KLHL33: variants seen among roughly 807,000 people sequenced by gnomAD.
KLHL33 encodes kelch-like protein 33.
In KLHL33, 46 loss-of-function variants were observed where a neutral mutation model predicts 60.8. That is an observed-to-expected ratio of 0.76 (90% confidence interval 0.60 to 0.97). The LOEUF (loss-of-function observed/expected upper bound fraction) is 0.97, where lower values mean the gene tolerates loss of function less well. Among genes scored for constraint, KLHL33 ranks in the 50% least tolerant of loss-of-function variants. KLHL33 has a pLI of 0.00. For synonymous variants in KLHL33, 434 were observed against 432.2 expected (o/e 1.00, Z -0.05); for missense variants, 1,055 against 1,000.0 (o/e 1.05, Z -0.74).
rs11160645 is a variant in KLHL33, at chr14:20,430,283, C to A, written c.1185G>T (p.Gln395His). 6.4e-7 allele frequency: 1 copy of A among 1,551,622 alleles called. No individual in the cohort carries two copies. The highest frequency in any genetic ancestry group is 2.4e-5 in the East Asian group (1 of 40,938). Residue 395 changes from glutamine (Q) to histidine (H), a missense_variant, in exon 3 of 5, where the codon CAG (glutamine) becomes CAT (histidine). Transcript: ENST00000636854. ...ELLDSDELHV[Q>H]EEFEAFVAAR... is the part of the protein sequence containing the mutation. ...CAGCCACAAAGGCCTCAAACTCCTC[C>A]TGCACATGGAGCTCATCACTATCCA... is the stretch of plus-strand genomic sequence containing the variant.
In KLHL33 at chr14:20,429,877, C is replaced by T. The variant is rs375299913; in HGVS notation, c.1591G>A (p.Ala531Thr). 6.4e-7 allele frequency: 1 copy of T among 1,551,980 alleles called. No individual in the cohort carries two copies. The highest frequency in any genetic ancestry group is 1.4e-5 in the African/African-American group (1 of 73,190). Residue 531 changes from alanine (A) to threonine (T), a missense_variant, in exon 3 of 5, where the codon GCA becomes ACA. Transcript: ENST00000636854. Reference protein sequence around the residue: ...PAPGRFRHGAASLAGSELYVC... With the variant: ...PAPGRFRHGATSLAGSELYVC... ...TAGAGTTCACTTCCTGCCAGGCTTG[C>T]AGCCCCATGCCGGAAGCGTCCGGGG... is the stretch of plus-strand genomic sequence containing the variant.
intron 2 of KLHL33, among the ~76,000 whole-genome samples, chr14:20,431,686 C>T (rs1042980954): frequency 2.0e-5 from 3 of 152,150 alleles, no homozygotes; most frequent in African/African-American, 7.2e-5. Flanking sequence ...GAGACTGCGC[C>T]GCTGCACCCA....
Position 20,428,622 on chromosome 14 carries a change from C to A in KLHL33, c.*227G>T, listed in dbSNP as rs763995264. On this transcript the variant is annotated 3_prime_UTR_variant, in exon 5 of 5. Coordinates refer to ENST00000636854, the MANE Select transcript of KLHL33 (RefSeq NM_001365790.2). The stretch of plus-strand genomic sequence containing the variant: ...GTGGAGTTGCTCCCGAGTCTCCTTT[C>A]CTCACCTGGGTATTCAGCTGCCTCC... The A allele has an allele frequency of 7.6e-6, 4 of 529,122 alleles. No individual in the cohort carries two copies. The highest frequency in any genetic ancestry group is 1.3e-5 in the Non-Finnish European group (4 of 297,946). The allele number at this position is 529,122 out of a possible 1,614,324, so 32.8% of individuals were successfully genotyped here. A position where few individuals can be genotyped will look rare whatever the true frequency, so the allele number is the denominator to read the frequency against.
chr14:20,434,932 G>T (rs1255431463), intron 2 of KLHL33, 132 bp downstream of exon 2: 2 of 808,630 alleles, frequency 2.5e-6, no homozygotes, highest in Non-Finnish European at 3.3e-6. Flanking sequence ...GGCACCAAAG[G>T]CCACCCCAGG....
chr14:20,435,410 G>A lies in KLHL33; in HGVS notation c.402C>T (p.Ile134=). The change falls in exon 2 of 5, where the codon ATC becomes ATT. Residue 134 remains isoleucine (I), a synonymous_variant. Transcript: ENST00000636854. ...GCAGCCTGTCTCGGAAGAGGCTGCT[G>A]ATTGCGGCCAGGATCACCCGATGCA... is the stretch of plus-strand genomic sequence containing the variant. ...YGVHRVILAA[I]SSLFRDRLLG... 8.1e-7 allele frequency: 1 copy of A among 1,234,378 alleles called. No individual in the cohort carries two copies. The highest frequency in any genetic ancestry group is 1.5e-5 in the African/African-American group (1 of 64,636). The allele number at this position is 1,234,378 out of a possible 1,614,324, so 76.5% of individuals were successfully genotyped here.
chr14:20,430,261 C>T lies in KLHL33; in HGVS notation c.1207G>A (p.Ala403Thr). 6.4e-7 allele frequency: 1 copy of T among 1,551,700 alleles called. No homozygotes were observed. The highest frequency in any genetic ancestry group is 8.7e-7 in the Non-Finnish European group (1 of 1,146,994). ...HVQEEFEAFVAARCWLAANPE... is the reference protein window; with the variant it reads ...HVQEEFEAFVTARCWLAANPE... ...TTGGCAGCCAGCCAACACCGTGCAG[C>T]CACAAAGGCCTCAAACTCCTCCTGC... Residue 403 changes from alanine to threonine, a missense_variant, in exon 3 of 5, where the codon GCT (alanine) becomes ACT (threonine). Coordinates refer to ENST00000636854, the MANE Select transcript of KLHL33 (RefSeq NM_001365790.2).
At chr14:20,430,791 TACTCTAAGTTTGGCCAA>T (rs66993385) in intron 2 of KLHL33, 72 bp from the exon 3 acceptor site, 110,262 of 1,040,202 alleles carry the variant, frequency 0.11, 6,729 homozygotes, top group Admixed American at 0.17. Context: ...CCCAACTTGG[TACTCTAAGTTTGGCCAA>T]ACTCTAAGTT....
chr14:20,435,482 T>A lies in KLHL33; in HGVS notation c.330A>T (p.Arg110Ser). Residue 110 changes from arginine (R) to serine (S), a missense_variant, in exon 2 of 5, where the codon AGA becomes AGT. By Grantham distance (110) the Arg-to-Ser change is moderately radical. Transcript: ENST00000636854. ...CTGACACCTCTTCGTCCAGCAACAG[T>A]CTCTGCTCCCGCAGCCGCTGGGCCT... Reference protein sequence around the residue: ...FAEAQRLREQRLLLDEEVSVA... With the variant: ...FAEAQRLREQSLLLDEEVSVA... The A allele has an allele frequency of 8.1e-7, 1 of 1,234,582 alleles. No homozygotes were observed. The highest frequency in any genetic ancestry group is 1.0e-6 in the Non-Finnish European group (1 of 988,316). The allele number at this position is 1,234,582 out of a possible 1,614,324, so 76.5% of individuals were successfully genotyped here. A position where few individuals can be genotyped will look rare whatever the true frequency, so the allele number is the denominator to read the frequency against.
rs889321292 is a variant in KLHL33 at position 20,426,572 on chromosome 14, A to G, written c.*2277T>C. ...GATGTGGAGAAATAGGAACACTTTT[A>G]CACTGTTGGTGGGACTGTAAACTAG... On this transcript the variant is annotated 3_prime_UTR_variant, in exon 5 of 5. Transcript: ENST00000636854. 6.6e-6 allele frequency: 1 copy of G among 151,930 alleles called. No individual in the cohort carries two copies. Among genetic ancestry groups the G allele is most frequent in the African/African-American group, 2.4e-5 (1 of 41,364 alleles). 9.4% of individuals were successfully genotyped at this position (151,930 alleles called of 1,614,324 possible).
chr14:20,434,564 C>A (rs563111224), intron 2 of KLHL33, among the ~76,000 whole-genome samples: 1 of 151,298 alleles, frequency 6.6e-6, no homozygotes, highest in Non-Finnish European at 1.5e-5. Context: ...AAAAGTGCCA[C>A]GGCCTGGTAA....
Position 20,426,508 on chromosome 14 carries a change from AAAAAAAG to A in KLHL33, c.*2334_*2340del, listed in dbSNP as rs1466974007. On this transcript the variant is annotated 3_prime_UTR_variant, in exon 5 of 5. Coordinates refer to ENST00000636854, the MANE Select transcript of KLHL33 (RefSeq NM_001365790.2). The stretch of plus-strand genomic sequence containing the variant: ...AAACTCTGTCTCAAAAAAAAAAAAA[AAAAAAAG>A]AAAAAGAAAATTGACAACAGGTGCT... 1.4e-5 allele frequency: 2 copies of A among 145,504 alleles called. No homozygotes were observed. Among genetic ancestry groups the A allele is most frequent in the African/African-American group, 5.1e-5 (2 of 39,118 alleles). The allele number at this position is 145,504 out of a possible 1,614,324, so 9.0% of individuals were successfully genotyped here.
At chr14:20,432,985 A>AGAAAGAAAGAAG (rs1555330536) in intron 2 of KLHL33, among the ~76,000 whole-genome samples, 4 of 151,944 alleles carry the variant, frequency 2.6e-5, no homozygotes, top group African/African-American at 9.7e-5. Flanking sequence ...AAAGAAAGAA[A>AGAAAGAAAGAAG]GAGAGAAATT....
chr14:20,428,650 T>C lies in KLHL33; in HGVS notation c.*199A>G, dbSNP rs73587041. 10,980 of 576,124 alleles carry C rather than the reference T, an allele frequency of 0.019. 854 individuals are homozygous for C. Among genetic ancestry groups the C allele is most frequent in the African/African-American group, 0.18 (9,455 of 53,554 alleles). 35.7% of individuals were successfully genotyped at this position (576,124 alleles called of 1,614,324 possible). ...CACCTGGGTATTCAGCTGCCTCCCC[T>C]TTCCCTATATGTTTTCCCTAGGAGT... is the stretch of plus-strand genomic sequence containing the variant. On this transcript the variant is annotated 3_prime_UTR_variant, in exon 5 of 5. Transcript: ENST00000636854.
rs1880404995 is a variant in KLHL33 at position 20,429,294 on chromosome 14, G to A, written c.1949C>T (p.Ser650Leu). ...AAGTTTGGGGTCATAGTGCATCAGT[G>A]AGGCCAGGTATTGGCCAGTCCCACC... ...GCGGTGQYLA[S>L]LMHYDPKLEK... Residue 650 changes from serine to leucine, a missense_variant, in exon 5 of 5, where the codon TCA (serine) becomes TTA (leucine). Ser to Leu is a moderately radical substitution (Grantham distance 145). Transcript: ENST00000636854. 1 of 1,551,714 alleles carries A rather than the reference G, an allele frequency of 6.4e-7. No individual in the cohort carries two copies. Among genetic ancestry groups the A allele is most frequent in the Non-Finnish European group, 8.7e-7 (1 of 1,147,004 alleles).
chr14:20,432,097 G>A (rs1010560032), intron 2 of KLHL33, among the ~76,000 whole-genome samples: 10 of 147,740 alleles, frequency 6.8e-5, no homozygotes, highest in Non-Finnish European at 1.3e-4. Context: ...TCAAGAAAAT[G>A]GAGCATTTTA....
chr14:20,430,299 T>C lies in KLHL33; in HGVS notation c.1169A>G (p.Asp390Gly), dbSNP rs540170430. ...AACLAELLDS[D>G]ELHVQEEFEA... is the part of the protein sequence containing the mutation. ...AAACTCCTCCTGCACATGGAGCTCA[T>C]CACTATCCAGGAGCTCAGCCAAGCA... Residue 390 changes from aspartate to glycine, a missense_variant, in exon 3 of 5, where the codon GAT (aspartate) becomes GGT (glycine). Coordinates refer to ENST00000636854, the MANE Select transcript of KLHL33 (RefSeq NM_001365790.2). 2 of 1,551,702 alleles carry C rather than the reference T, an allele frequency of 1.3e-6. No individual in the cohort carries two copies. The highest frequency in any genetic ancestry group is 1.7e-6 in the Non-Finnish European group (2 of 1,146,990).
rs530616192 is a variant in KLHL33, at chr14:20,430,473, C to T, written c.995G>A (p.Arg332Gln). ...CLDLCQKGLA[R>Q]GLSPARCLAL... ...CAGGCAACGGGCAGGGCTGAGGCCC[C>T]GTGCCAAGCCTTTCTGACACAAATC... Residue 332 changes from arginine (R) to glutamine (Q), a missense_variant, in exon 3 of 5, where the codon CGG (arginine) becomes CAG (glutamine). Arg to Gln is a conservative substitution (Grantham distance 43). Coordinates refer to ENST00000636854, the MANE Select transcript of KLHL33 (RefSeq NM_001365790.2). The T allele has an allele frequency of 7.5e-5, 117 of 1,551,160 alleles. No homozygotes were observed. Among genetic ancestry groups the T allele is most frequent in the Non-Finnish European group, 9.8e-5 (112 of 1,147,018 alleles).
At position 20,430,677 on chromosome 14, in the gene KLHL33, GC is replaced by G; in HGVS notation, c.790del (p.Ala264ProfsTer4). The G allele has an allele frequency of 6.5e-7, 1 of 1,533,198 alleles. No homozygotes were observed. The highest frequency in any genetic ancestry group is 8.7e-7 in the Non-Finnish European group (1 of 1,145,596). The allele number at this position is 1,533,198 out of a possible 1,614,324, so 95.0% of individuals were successfully genotyped here. On this transcript the variant is annotated frameshift_variant, in exon 3 of 5. Coordinates refer to ENST00000636854, the MANE Select transcript of KLHL33 (RefSeq NM_001365790.2). LOFTEE classifies it high-confidence loss of function. Reference sequence around the variant, plus strand: ...TTCCCTCATCCCGCTCAGGAGCATGGCCCCAAAGAACTCACTGCCACAGGCC... The same window carrying G: ...TTCCCTCATCCCGCTCAGGAGCATGGCCCAAAGAACTCACTGCCACAGGCC... The part of the protein sequence containing the change: ...ALACGSEFFG[A>X]MLLSGMRESQ...
rs1191189428 is a variant in KLHL33, at chr14:20,429,025, G to A, written c.2218C>T (p.Arg740Cys). The A allele has an allele frequency of 5.8e-6, 9 of 1,551,610 alleles. 1 individual carries two copies. Among genetic ancestry groups the A allele is most frequent in the Middle Eastern group, 1.7e-4 (1 of 6,014 alleles). ...ELLVLGGYSH[R>C]TYALSHLIHA... is the part of the protein sequence containing the mutation. ...ATAAGGTGAGAGAGGGCATAAGTAC[G>A]GTGACTGTAGCCCCCGAGCACCAGT... Residue 740 changes from arginine (R) to cysteine (C), a missense_variant, in exon 5 of 5, where the codon CGT becomes TGT. Transcript: ENST00000636854.
Sources: gnomAD v4.1 joint callset for allele counts (sites outside exome capture counted in the v4.1 genomes callset) on GRCh38, gnomAD v4.1.1 for gene constraint, MANE v1.5 for transcripts, NCBI Gene and HGNC (gene_info 2026-07-23, HGNC 2026-07-21) for gene names.